Variants in ARL15 observed in about 807,000 individuals in gnomAD.
ARL15 encodes ARF like GTPase 15, also known as ADP-ribosylation factor-like protein 15.
Under a neutral mutation model 25.2 loss-of-function variants are expected in ARL15, and 19 were observed. That is an observed-to-expected ratio of 0.75 (90% confidence interval 0.53 to 1.10). The LOEUF is 1.10. Among genes scored for constraint, ARL15 ranks in the 50% least tolerant of loss-of-function variants. The pLI is 0.00. For missense variants in ARL15, 220 were observed against 246.0 expected, an observed-to-expected ratio of 0.89 and a Z score of 0.71; for synonymous variants, 94 against 86.8, an observed-to-expected ratio of 1.08 and a Z score of -0.46.
chr5:54,102,216 C>T (rs1423714618), intron 4 of ARL15, among the ~76,000 whole-genome samples: 2 of 151,866 alleles, frequency 1.3e-5, no homozygotes, highest in Non-Finnish European at 2.9e-5. Context: ...TTCACCATGT[C>T]GGCCAGGCTT....
At chr5:54,198,078 T>C (rs1252341896) in intron 1 of ARL15, among the ~76,000 whole-genome samples, 1 of 152,136 alleles carries the variant, frequency 6.6e-6, no homozygotes, top group African/African-American at 2.4e-5. Flanking sequence ...AGAAAAGGCC[T>C]TTGACAAAAT....
At chr5:54,287,987 A>G (rs1758223814) in intron 1 of ARL15, among the ~76,000 whole-genome samples, 1 of 152,246 alleles carries the variant, frequency 6.6e-6, no homozygotes, top group African/African-American at 2.4e-5. Flanking sequence ...GAGGGAATAC[A>G]AAAAGCAAAG....
chr5:53,911,185 T>A (rs529245693), intron 4 of ARL15, among the ~76,000 whole-genome samples: 1 of 152,188 alleles, frequency 6.6e-6, no homozygotes, highest in Non-Finnish European at 1.5e-5. Context: ...TGTCTTGGTA[T>A]GAGAAGCTTC....
At chr5:54,013,669 T>C (rs1438158120) in intron 4 of ARL15, among the ~76,000 whole-genome samples, 1 of 152,120 alleles carries the variant, frequency 6.6e-6, no homozygotes, top group Non-Finnish European at 1.5e-5. Flanking sequence ...GATTGGTCCT[T>C]TGAGATATTT....
Position 54,295,433 on chromosome 5 carries a change from G to A in ARL15, c.48+14999C>T, listed in dbSNP as rs1259181266. On this transcript the variant is annotated intron_variant, in intron 1 of 4. Transcript: ENST00000504924. ...TCCACAGAAATAATAAATAGGGGCT[G>A]CACTCCAGGCTCAAAAAGTGATGCT... Among the ~76,000 whole-genome samples the A allele has an allele frequency of 7.9e-5, 12 of 152,274 alleles. 1 individual carries two copies. In the East Asian group the frequency reaches 1.9e-3, roughly 25 times the overall value.
chr5:53,947,045 T>C (rs1256240535), intron 4 of ARL15, among the ~76,000 whole-genome samples: 1 of 151,886 alleles, frequency 6.6e-6, no homozygotes, highest in Non-Finnish European at 1.5e-5. Flanking sequence ...GGGAAGGAGA[T>C]AGCCAATTGC....
intron 4 of ARL15, among the ~76,000 whole-genome samples, chr5:53,889,593 A>G (rs1580051744): frequency 6.6e-6 from 1 of 152,244 alleles, no homozygotes; most frequent in Non-Finnish European, 1.5e-5. Flanking sequence ...AACACTGCCA[A>G]TATTCACTCC....
intron 3 of ARL15, among the ~76,000 whole-genome samples, chr5:54,130,033 G>C (rs1264264669): frequency 6.6e-6 from 1 of 152,164 alleles, no homozygotes; most frequent in East Asian, 1.9e-4. Context: ...GAGCCCAGGA[G>C]TCCAAGACCA....
chr5:54,263,839 C>T (rs898943852), intron 1 of ARL15, among the ~76,000 whole-genome samples: 6 of 152,136 alleles, frequency 3.9e-5, no homozygotes, highest in African/African-American at 1.4e-4. Context: ...CCAACTCACA[C>T]ATCTAGTTGC....
At chr5:54,056,782 T>G (rs1173675654) in intron 4 of ARL15, among the ~76,000 whole-genome samples, 1 of 152,152 alleles carries the variant, frequency 6.6e-6, no homozygotes, top group East Asian at 1.9e-4. Flanking sequence ...AGCTGATTTT[T>G]GAATCCTAGC....
At chr5:54,234,031 C>T (rs1252935626) in intron 1 of ARL15, among the ~76,000 whole-genome samples, 1 of 152,116 alleles carries the variant, frequency 6.6e-6, no homozygotes, top group Non-Finnish European at 1.5e-5. Context: ...GACAGTCTCG[C>T]TCTGTTGCCA....
At chr5:54,160,399 T>C (rs554190194) in intron 2 of ARL15, among the ~76,000 whole-genome samples, 25 of 152,288 alleles carry the variant, frequency 1.6e-4, no homozygotes, top group Admixed American at 7.9e-4. Context: ...TTTTCAACCT[T>C]TTTCAATTCA....
At chr5:53,913,569 T>C (rs1195038471) in intron 4 of ARL15, among the ~76,000 whole-genome samples, 1 of 152,222 alleles carries the variant, frequency 6.6e-6, no homozygotes, top group Admixed American at 6.5e-5. Context: ...GTCCCTTGAC[T>C]GCTCTAGGCC....
chr5:54,229,436 T>A (rs966248573), intron 1 of ARL15, among the ~76,000 whole-genome samples: 1 of 152,094 alleles, frequency 6.6e-6, no homozygotes, highest in Non-Finnish European at 1.5e-5. Context: ...ACACGAGAGA[T>A]ATGAAAGCAA....
chr5:53,985,940 C>T lies in ARL15; in HGVS notation c.463-99227G>A, dbSNP rs1748284311. ...ACACTCAAAAGACAGCCTTCACTGCCTGATGTCTCTCTGTAGGAATTTTTC... is the reference window on the plus strand; with the variant it reads ...ACACTCAAAAGACAGCCTTCACTGCTTGATGTCTCTCTGTAGGAATTTTTC... On this transcript the variant is annotated intron_variant, in intron 4 of 4. Coordinates refer to ENST00000504924, the MANE Select transcript of ARL15 (RefSeq NM_019087.3). Among the ~76,000 whole-genome samples, 4 of 152,180 alleles carry T rather than the reference C, an allele frequency of 2.6e-5. No homozygotes were observed. The South Asian group carries it at 8.3e-4, about 32-fold the overall frequency.
intron 1 of ARL15, among the ~76,000 whole-genome samples, chr5:54,192,096 T>G (rs1438737100): frequency 6.6e-6 from 1 of 152,124 alleles, no homozygotes; most frequent in Non-Finnish European, 1.5e-5. Context: ...TTCAGGACCT[T>G]TGCACTTGCC....
At chr5:54,180,567 C>A (rs1159888722) in intron 1 of ARL15, among the ~76,000 whole-genome samples, 1 of 152,142 alleles carries the variant, frequency 6.6e-6, no homozygotes, top group Non-Finnish European at 1.5e-5. Context: ...GGGAAAAAAA[C>A]AACAAATTGT....
intron 1 of ARL15, among the ~76,000 whole-genome samples, chr5:54,267,689 C>A (rs970420271): frequency 3.3e-5 from 5 of 151,966 alleles, no homozygotes; most frequent in African/African-American, 7.3e-5. Context: ...TCAGCATTAG[C>A]TTGTCTGTAA....
At chr5:54,062,527 A>AAC (rs1554037614) in intron 4 of ARL15, among the ~76,000 whole-genome samples, 36 of 151,694 alleles carry the variant, frequency 2.4e-4, no homozygotes, top group African/African-American at 8.5e-4. Flanking sequence ...GAAAAAAAAA[A>AAC]AAAAAACAAC....
Sources: gnomAD v4.1 joint callset for allele counts (sites outside exome capture counted in the v4.1 genomes callset) on GRCh38, gnomAD v4.1.1 for gene constraint, MANE v1.5 for transcripts, NCBI Gene and HGNC (gene_info 2026-07-23, HGNC 2026-07-21) for gene names.